Variants in RTL4 observed in about 807,000 individuals in gnomAD.
The protein encoded by RTL4 is retrotransposon Gag like 4.
In RTL4, 4 loss-of-function variants were observed where a neutral mutation model predicts 5.3. That is an observed-to-expected ratio of 0.75 (90% CI 0.37 to 1.72). RTL4 has a LOEUF of 1.72. Among genes scored for constraint, RTL4 ranks in the 40% most tolerant of loss-of-function variants. The pLI, the probability that RTL4 is intolerant of heterozygous loss-of-function variation, is 0.04. For synonymous variants in RTL4, 98 were observed against 87.3 expected, an observed-to-expected ratio of 1.12 and a Z score of -0.68; for missense variants, 260 against 227.1, an observed-to-expected ratio of 1.14 and a Z score of -0.93.
chrX:112,141,239 A>T, the RTL4 span, among the ~76,000 whole-genome samples: 1 of 111,860 alleles, frequency 8.9e-6, no homozygotes, highest in Non-Finnish European at 1.9e-5. Flanking sequence ...AATCTGTATA[A>T]GTACAGTTTT....
At chrX:112,340,608 G>C in the RTL4 span, among the ~76,000 whole-genome samples, 35 of 106,029 alleles carry the variant, frequency 3.3e-4, no homozygotes, top group Admixed American at 1.1e-3. Context: ...GCGGGGTGGC[G>C]GGGTAGGGAA....
the RTL4 span, among the ~76,000 whole-genome samples, chrX:112,214,913 C>T: frequency 4.6e-5 from 5 of 109,810 alleles, no homozygotes; most frequent in Admixed American, 2.0e-4. Flanking sequence ...CTCAGCCTCC[C>T]GAGTAGCTGG....
the RTL4 span, among the ~76,000 whole-genome samples, chrX:112,248,766 T>A: frequency 8.9e-6 from 1 of 111,732 alleles, no homozygotes; most frequent in Non-Finnish European, 1.9e-5. Flanking sequence ...AAATTGAAAA[T>A]AGGCTAGGGG....
the RTL4 span, among the ~76,000 whole-genome samples, chrX:112,155,666 TCA>T: frequency 9.0e-6 from 1 of 111,671 alleles, no homozygotes; most frequent in South Asian, 3.8e-4. Context: ...GCCACAAAAC[TCA>T]CAGTTTTTAA....
At chrX:112,389,254 T>A in the RTL4 span, among the ~76,000 whole-genome samples, 13 of 109,656 alleles carry the variant, frequency 1.2e-4, no homozygotes, top group African/African-American at 3.6e-4. Context: ...TCCTTCATCA[T>A]TTCTAATTGT....
At chrX:112,345,120 A>C in the RTL4 span, among the ~76,000 whole-genome samples, 1 of 111,196 alleles carries the variant, frequency 9.0e-6, no homozygotes, top group African/African-American at 3.3e-5. Context: ...ATCACCATGC[A>C]AGGGGTGGTC....
chrX:112,299,566 G>T, the RTL4 span, among the ~76,000 whole-genome samples: 2 of 111,666 alleles, frequency 1.8e-5, no homozygotes, highest in Admixed American at 1.9e-4. Context: ...GGACTTTGAG[G>T]GCTTCAGAGA....
the RTL4 span, among the ~76,000 whole-genome samples, chrX:112,350,210 A>G: frequency 2.7e-5 from 3 of 110,862 alleles, no homozygotes; most frequent in African/African-American, 9.9e-5. Context: ...CCCAGGGATG[A>G]AGCCCACTTG....
At chrX:112,174,049 C>T in the RTL4 span, among the ~76,000 whole-genome samples, 4 of 99,477 alleles carry the variant, frequency 4.0e-5, no homozygotes, top group Non-Finnish European at 8.2e-5. Flanking sequence ...GTCTTATTTT[C>T]GTTTCTTTTT....
the RTL4 span, among the ~76,000 whole-genome samples, chrX:112,181,383 C>A: frequency 1.8e-5 from 2 of 111,946 alleles, no homozygotes; most frequent in African/African-American, 6.5e-5. Context: ...AGTGGTCTAG[C>A]TCAGCGGATC....
At chrX:112,372,464 C>T in the RTL4 span, among the ~76,000 whole-genome samples, 1 of 111,077 alleles carries the variant, frequency 9.0e-6, no homozygotes, top group Admixed American at 9.6e-5. Flanking sequence ...ATATTCTATA[C>T]CTGCCCTTGA....
chrX:112,291,831 G>A, the RTL4 span, among the ~76,000 whole-genome samples: 1 of 110,419 alleles, frequency 9.1e-6, no homozygotes, highest in Non-Finnish European at 1.9e-5. Flanking sequence ...TCCTGACCTC[G>A]TAATCCGCCC....
At chrX:112,342,733 C>T in the RTL4 span, among the ~76,000 whole-genome samples, 1 of 111,616 alleles carries the variant, frequency 9.0e-6, no homozygotes, top group Non-Finnish European at 1.9e-5. Flanking sequence ...TCCCACAAAA[C>T]CCTTTCTGAC....
the RTL4 span, among the ~76,000 whole-genome samples, chrX:112,338,612 G>A: frequency 9.0e-6 from 1 of 111,670 alleles, no homozygotes; most frequent in Non-Finnish European, 1.9e-5. Flanking sequence ...GTTAGCTCTG[G>A]AAGTAAGCTA....
the RTL4 span, among the ~76,000 whole-genome samples, chrX:112,093,817 G>A: frequency 3.6e-5 from 4 of 111,946 alleles, no homozygotes; most frequent in Non-Finnish European, 7.5e-5. Context: ...CCAGACAAAG[G>A]TAATAGCGTA....
chrX:112,253,791 C>G, the RTL4 span, among the ~76,000 whole-genome samples: 1 of 112,327 alleles, frequency 8.9e-6, no homozygotes, highest in Non-Finnish European at 1.9e-5. Context: ...CCAGCCCAGT[C>G]TTAGAATTCT....
chrX:112,365,840 T>C, the RTL4 span, among the ~76,000 whole-genome samples: 2 of 111,421 alleles, frequency 1.8e-5, no homozygotes, highest in Non-Finnish European at 3.8e-5. Context: ...CCCAGTCAAC[T>C]GAACTCCAGT....
At chrX:112,447,431 G>A in the RTL4 span, among the ~76,000 whole-genome samples, 21 of 112,229 alleles carry the variant, frequency 1.9e-4, no homozygotes, top group African/African-American at 5.2e-4. Context: ...GGTCTCATAG[G>A]TTGGAATTTG....
chrX:112,100,657 T>A, the RTL4 span, among the ~76,000 whole-genome samples: 7 of 111,908 alleles, frequency 6.3e-5, no homozygotes, highest in Non-Finnish European at 9.4e-5. Context: ...CTGGATGTAT[T>A]CATTCCAGAG....
Sources: allele counts gnomAD v4.1 joint callset (sites outside exome capture counted in the v4.1 genomes callset), GRCh38; gene constraint gnomAD v4.1.1; transcripts MANE v1.5; gene names NCBI Gene and HGNC (gene_info 2026-07-23, HGNC 2026-07-21).